Variants in GABPB1 observed in about 807,000 individuals in gnomAD.
GABPB1 encodes the protein GA binding protein transcription factor subunit beta 1.
In GABPB1, 15 loss-of-function variants were observed where a neutral mutation model predicts 45.9. The observed-to-expected ratio is 0.33, with a 90% CI of 0.22 to 0.50. The LOEUF is 0.50. GABPB1 is among the 20% of genes least tolerant of loss of function. GABPB1 has a pLI of 0.98. For synonymous variants in GABPB1, 143 were observed against 154.4 expected (o/e 0.93, Z 0.55); for missense variants, 252 against 457.5 (o/e 0.55, Z 4.10).
intron 1 of GABPB1, among the ~76,000 whole-genome samples, chr15:50,324,540 CTTT>C (rs575280667): frequency 8.8e-6 from 1 of 114,208 alleles, no homozygotes; most frequent in African/African-American, 3.5e-5. Context: ...GTCTCCGTGG[CTTT>C]TTTTTTTTTT....
chr15:50,314,758 C>T (rs1478965964), intron 1 of GABPB1: 1 of 152,158 alleles, frequency 6.6e-6, no homozygotes, highest in Non-Finnish European at 1.5e-5. Context: ...AACATGTAAA[C>T]AAAACGTATT....
chr15:50,292,204 C>T (rs904856188), intron 6 of GABPB1, among the ~76,000 whole-genome samples: 2 of 149,716 alleles, frequency 1.3e-5, no homozygotes, highest in Non-Finnish European at 3.0e-5. Context: ...GTCCCAGCTA[C>T]TCGGGAGGCT....
Position 50,285,206 on chromosome 15 carries a change from G to A in GABPB1, c.999+862C>T, listed in dbSNP as rs2046112800. Among the ~76,000 whole-genome samples the A allele has an allele frequency of 2.6e-5, 4 of 152,086 alleles. No individual in the cohort carries two copies. The South Asian group carries it at 8.3e-4, about 31-fold the overall frequency. The stretch of plus-strand genomic sequence containing the variant: ...TCAGATATAAATATTGTATGACTAT[G>A]CTGACTTTTTCAATTCTCACAAAAA... On this transcript the variant is annotated intron_variant, in intron 8 of 8. Transcript: ENST00000380877.
chr15:50,326,228 T>C (rs958537789), intron 1 of GABPB1, among the ~76,000 whole-genome samples: 1 of 152,054 alleles, frequency 6.6e-6, no homozygotes, highest in Non-Finnish European at 1.5e-5. Context: ...AAAAACTTCA[T>C]CTAGGCCAGA....
intron 8 of GABPB1, among the ~76,000 whole-genome samples, chr15:50,280,537 G>A (rs2045940590): frequency 6.6e-6 from 1 of 152,110 alleles, no homozygotes; most frequent in African/African-American, 2.4e-5. Context: ...GATCACTTAA[G>A]CCCAGGAATT....
At chr15:50,345,061 T>G (rs549702755) in intron 1 of GABPB1, among the ~76,000 whole-genome samples, 1 of 152,058 alleles carries the variant, frequency 6.6e-6, no homozygotes, top group Non-Finnish European at 1.5e-5. Context: ...GTCATCAGCA[T>G]ATAAAACATC....
At chr15:50,341,777 T>A (rs1209132284) in intron 1 of GABPB1, among the ~76,000 whole-genome samples, 1 of 152,216 alleles carries the variant, frequency 6.6e-6, no homozygotes, top group Non-Finnish European at 1.5e-5. Context: ...GAAACAGTGA[T>A]ATATTTCATC....
chr15:50,306,178 C>T (rs953136593), intron 2 of GABPB1, among the ~76,000 whole-genome samples: 6 of 152,046 alleles, frequency 3.9e-5, no homozygotes, highest in African/African-American at 1.4e-4. Flanking sequence ...CTATGTTGCC[C>T]ATGCTGGTCT....
intron 8 of GABPB1, among the ~76,000 whole-genome samples, chr15:50,282,987 G>A (rs553201536): frequency 5.3e-5 from 8 of 152,148 alleles, no homozygotes; most frequent in Admixed American, 3.3e-4. Flanking sequence ...CCTAGGAGGC[G>A]GAGGTTGCAG....
At chr15:50,346,497 A>G (rs1389005333) in intron 1 of GABPB1, 2 of 152,092 alleles carry the variant, frequency 1.3e-5, no homozygotes, top group Non-Finnish European at 2.9e-5. Context: ...GACTGTATCT[A>G]GTGCATACAG....
chr15:50,282,347 C>A (rs1438202190), intron 8 of GABPB1: 1 of 450,644 alleles, frequency 2.2e-6, no homozygotes, highest in Non-Finnish European at 4.4e-6. Flanking sequence ...TCACTTGAGG[C>A]CAGGAGTCCA....
At chr15:50,285,397 A>C (rs1049847676) in intron 8 of GABPB1, among the ~76,000 whole-genome samples, 2 of 152,144 alleles carry the variant, frequency 1.3e-5, no homozygotes, top group African/African-American at 4.8e-5. Context: ...GTTCTTTCAA[A>C]GTTATTCAAG....
chr15:50,337,076 T>C (rs953430748), intron 1 of GABPB1, among the ~76,000 whole-genome samples: 3 of 1,652 alleles, frequency 1.8e-3, no homozygotes, highest in African/African-American at 9.3e-3. Flanking sequence ...TATGTGTGTG[T>C]ATATATATAT....
intron 1 of GABPB1, among the ~76,000 whole-genome samples, chr15:50,346,873 C>T (rs1020955724): frequency 2.0e-5 from 3 of 150,348 alleles, no homozygotes; most frequent in South Asian, 2.1e-4. Context: ...CTGCAACCTC[C>T]GCCCCCCCCA....
At chr15:50,328,274 T>C (rs2047838316) in intron 1 of GABPB1, among the ~76,000 whole-genome samples, 2 of 152,044 alleles carry the variant, frequency 1.3e-5, no homozygotes, top group African/African-American at 4.8e-5. Flanking sequence ...AGCTTACACA[T>C]GTTGTATTTG....
intron 1 of GABPB1, among the ~76,000 whole-genome samples, chr15:50,332,548 G>T (rs906878163): frequency 5.9e-5 from 9 of 151,872 alleles, no homozygotes; most frequent in African/African-American, 1.9e-4. Context: ...TATGATACTG[G>T]TATTATACTT....
chr15:50,348,044 A>G (rs911192058), intron 1 of GABPB1, among the ~76,000 whole-genome samples: 2 of 30,374 alleles, frequency 6.6e-5, no homozygotes, highest in Non-Finnish European at 1.4e-4. Flanking sequence ...CTCCATCTGG[A>G]AAAAAAAAAA....
intron 1 of GABPB1, among the ~76,000 whole-genome samples, chr15:50,313,167 G>C (rs536442707): frequency 6.6e-6 from 1 of 152,210 alleles, no homozygotes; most frequent in South Asian, 2.1e-4. Flanking sequence ...AAATGAAAAG[G>C]TGGGGGAAAA....
intron 1 of GABPB1, among the ~76,000 whole-genome samples, chr15:50,313,596 T>G (rs2047204736): frequency 6.6e-6 from 1 of 152,026 alleles, no homozygotes; most frequent in African/African-American, 2.4e-5. Context: ...GTGACCAATC[T>G]AAAGGTAAGA....
Sources: allele counts gnomAD v4.1 joint callset (sites outside exome capture counted in the v4.1 genomes callset), GRCh38; gene constraint gnomAD v4.1.1; transcripts MANE v1.5; gene names NCBI Gene and HGNC (gene_info 2026-07-23, HGNC 2026-07-21).